The following TRUB1 variants were observed in gnomAD, a reference collection of about 807,000 sequenced individuals.
The protein encoded by TRUB1 is pseudouridylate synthase TRUB1.
A neutral mutation model predicts 33.9 loss-of-function variants in TRUB1; 23 were observed. The observed-to-expected ratio is 0.68, with a 90% CI of 0.49 to 0.96. The LOEUF (loss-of-function observed/expected upper bound fraction) is 0.96, where lower values mean the gene tolerates loss of function less well. TRUB1 is among the 40% of genes least tolerant of loss of function. TRUB1 has a pLI of 0.00. For synonymous variants in TRUB1, 163 were observed against 165.4 expected (o/e 0.99, Z 0.11); for missense variants, 378 against 422.2 (o/e 0.90, Z 0.92).
intron 4 of TRUB1, among the ~76,000 whole-genome samples, chr10:114,966,832 C>T (rs1408603491): frequency 6.6e-6 from 1 of 151,982 alleles, no homozygotes; most frequent in African/African-American, 2.4e-5. Context: ...CTTATTTGTT[C>T]TAGTTGTGTT....
chr10:114,969,805 C>T (rs1334255639), intron 4 of TRUB1, among the ~76,000 whole-genome samples: 1 of 150,972 alleles, frequency 6.6e-6, no homozygotes, highest in Admixed American at 6.6e-5. Flanking sequence ...CAGATAAATG[C>T]AATTTTACTT....
chr10:114,956,653 A>G (rs2084262851), intron 3 of TRUB1, among the ~76,000 whole-genome samples: 1 of 152,174 alleles, frequency 6.6e-6, no homozygotes, highest in Non-Finnish European at 1.5e-5. Context: ...GTCTGTTGAA[A>G]TTGAAACTAT....
chr10:114,970,235 G>T, intron 4 of TRUB1, 133 bp from the exon 5 acceptor site: 2 of 549,550 alleles, frequency 3.6e-6, no homozygotes, highest in South Asian at 6.6e-5. Flanking sequence ...GTAGAATTTT[G>T]GCTATAAAAC....
rs1385146728 is a variant in TRUB1, at chr10:114,959,576, T to A, written c.442-150T>A. The A allele has an allele frequency of 9.3e-6, 6 of 647,690 alleles. No individual in the cohort carries two copies. The East Asian group carries it at 1.7e-4, about 18-fold the overall frequency. The allele number at this position is 647,690 out of a possible 1,614,324, so 40.1% of individuals were successfully genotyped here. ...AGTTTACACAATTGCTTTCCACATA[T>A]TAAAAACAAAACAATTGCAGTCTGT... On this transcript the variant is annotated intron_variant, in intron 3 of 7. Transcript: ENST00000298746.
At chr10:114,974,637 G>T (rs772753495) in intron 7 of TRUB1, among the ~76,000 whole-genome samples, 1 of 151,694 alleles carries the variant, frequency 6.6e-6, no homozygotes, top group Non-Finnish European at 1.5e-5. Context: ...TGAACGTAGG[G>T]CCAACATCTT....
chr10:114,963,993 G>A (rs1337841171), intron 4 of TRUB1, among the ~76,000 whole-genome samples: 4 of 151,758 alleles, frequency 2.6e-5, no homozygotes, highest in Non-Finnish European at 2.9e-5. Flanking sequence ...GTGTGTGTGC[G>A]TGTGCACGTG....
At chr10:114,965,244 T>A (rs1455827888) in intron 4 of TRUB1, among the ~76,000 whole-genome samples, 4 of 152,124 alleles carry the variant, frequency 2.6e-5, no homozygotes, top group Non-Finnish European at 5.9e-5. Context: ...GGTTTTTTTT[T>A]AATAGCTTTC....
intron 2 of TRUB1, among the ~76,000 whole-genome samples, chr10:114,948,193 A>G (rs905476554): frequency 2.6e-5 from 4 of 152,184 alleles, no homozygotes; most frequent in Non-Finnish European, 2.9e-5. Context: ...CCCGTTATTC[A>G]TCTGCTCTCT....
chr10:114,960,737 AATT>A (rs1044385837), intron 4 of TRUB1, among the ~76,000 whole-genome samples: 9 of 152,126 alleles, frequency 5.9e-5, no homozygotes, highest in Admixed American at 4.6e-4. Flanking sequence ...ATATTCTTGG[AATT>A]ATTATTATTA....
intron 2 of TRUB1, among the ~76,000 whole-genome samples, chr10:114,946,778 G>T (rs2084213456): frequency 6.6e-6 from 1 of 151,988 alleles, no homozygotes; most frequent in Non-Finnish European, 1.5e-5. Flanking sequence ...GACAATTTAA[G>T]ATTATAACCT....
chr10:114,964,417 T>C (rs1374978192), intron 4 of TRUB1, among the ~76,000 whole-genome samples: 2 of 152,182 alleles, frequency 1.3e-5, no homozygotes, highest in African/African-American at 4.8e-5. Context: ...AGGTTCTTTA[T>C]ATAGTCTGGA....
chr10:114,964,650 T>G (rs1327415640), intron 4 of TRUB1, among the ~76,000 whole-genome samples: 1 of 152,198 alleles, frequency 6.6e-6, no homozygotes. Flanking sequence ...GAAGCTGTTA[T>G]TGCTTTGCCT....
chr10:114,969,943 T>A (rs1016321718), intron 4 of TRUB1, among the ~76,000 whole-genome samples: 2 of 152,198 alleles, frequency 1.3e-5, no homozygotes, highest in Non-Finnish European at 2.9e-5. Context: ...TTTACAATAT[T>A]TGATCCCTAG....
At position 114,942,750 on chromosome 10, in the gene TRUB1, G is replaced by T. The variant is rs1390204367; in HGVS notation, c.385+7G>T. On this transcript the variant is annotated splice_region_variant and intron_variant, in intron 2 of 7. Transcript: ENST00000298746. ...GCAGCCCGAGGAGTTCTGGGTAAGAGATATGAAAGGCAGTTAAGTGTCCAC... is the reference window on the plus strand; with the variant it reads ...GCAGCCCGAGGAGTTCTGGGTAAGATATATGAAAGGCAGTTAAGTGTCCAC... 1 of 1,586,944 alleles carries T rather than the reference G, an allele frequency of 6.3e-7. No individual in the cohort carries two copies. The highest frequency in any genetic ancestry group is 2.2e-5 in the East Asian group (1 of 44,752).
Position 114,975,153 on chromosome 10 carries a change from T to C in TRUB1, c.824T>C (p.Leu275Pro). ...TCTTCCTGTGCCAATGTGCTAGAGC[T>C]GACCCGAACCAAACAGGGACCATTT... is the stretch of plus-strand genomic sequence containing the variant. ...ELSSCANVLE[L>P]TRTKQGPFTL... The change falls in exon 8 of 8, where the codon CTG (leucine) becomes CCG (proline). Residue 275 changes from leucine (L) to proline (P), a missense_variant. Leu to Pro is a moderately conservative substitution (Grantham distance 98). Transcript: ENST00000298746. 1 of 1,613,464 alleles carries C rather than the reference T, an allele frequency of 6.2e-7. No homozygotes were observed. The highest frequency in any genetic ancestry group is 8.5e-7 in the Non-Finnish European group (1 of 1,179,628).
intron 1 of TRUB1, among the ~76,000 whole-genome samples, chr10:114,940,087 G>A (rs1302871866): frequency 1.3e-5 from 2 of 152,014 alleles, no homozygotes; most frequent in Non-Finnish European, 2.9e-5. Context: ...AAATGTCATT[G>A]TAATTGGCTG....
chr10:114,938,219 A>T lies in TRUB1; in HGVS notation c.-35A>T. 6.2e-7 allele frequency: 1 copy of T among 1,604,874 alleles called. No individual in the cohort carries two copies. The highest frequency in any genetic ancestry group is 1.1e-5 in the South Asian group (1 of 89,670). Reference sequence around the variant, plus strand: ...CACTCTTGTTGCATCATCAGCGTGCACCTCCACGATGAAACAGGTCTGGGC... The same window carrying T: ...CACTCTTGTTGCATCATCAGCGTGCTCCTCCACGATGAAACAGGTCTGGGC... On this transcript the variant is annotated 5_prime_UTR_variant, in exon 1 of 8. Transcript: ENST00000298746.
intron 4 of TRUB1, among the ~76,000 whole-genome samples, 187 bp from the exon 5 acceptor site, chr10:114,970,181 C>T (rs1371471616): frequency 1.3e-5 from 2 of 152,078 alleles, no homozygotes; most frequent in Non-Finnish European, 2.9e-5. Context: ...AAGACTTTCT[C>T]CCTCTTTTAT....
chr10:114,955,484 T>C (rs932591961), intron 3 of TRUB1, among the ~76,000 whole-genome samples: 1 of 152,178 alleles, frequency 6.6e-6, no homozygotes, highest in African/African-American at 2.4e-5. Context: ...GGTACCTCCA[T>C]ATCTCTGTGC....
Sources: allele counts gnomAD v4.1 joint callset (sites outside exome capture counted in the v4.1 genomes callset), GRCh38; gene constraint gnomAD v4.1.1; transcripts MANE v1.5; gene names NCBI Gene and HGNC (gene_info 2026-07-23, HGNC 2026-07-21).